PRR16: variants seen among roughly 807,000 people sequenced by gnomAD.
The protein encoded by PRR16 is protein Largen.
Under a neutral mutation model 18.2 loss-of-function variants are expected in PRR16, and 6 were observed. The ratio of observed to expected loss-of-function variants is 0.33; its 90% confidence interval spans 0.18 to 0.65. PRR16 has a LOEUF of 0.65. Among genes scored for constraint, PRR16 ranks in the 30% least tolerant of loss-of-function variants. PRR16 has a pLI of 0.74. For synonymous variants in PRR16, 151 were observed against 147.8 expected (o/e 1.02, Z -0.16); for missense variants, 412 against 376.6 (o/e 1.09, Z -0.78).
At chr5:120,511,045 G>A (rs1425502406) in intron 1 of PRR16, among the ~76,000 whole-genome samples, 1 of 152,062 alleles carries the variant, frequency 6.6e-6, no homozygotes, top group Non-Finnish European at 1.5e-5. Context: ...TGTCTCTTAG[G>A]GCTCCATACA....
chr5:120,480,983 T>C (rs1423589637), intron 1 of PRR16, among the ~76,000 whole-genome samples: 1 of 152,178 alleles, frequency 6.6e-6, no homozygotes, highest in Non-Finnish European at 1.5e-5. Flanking sequence ...CTTCATGTCT[T>C]CAGAAGTTTT....
In PRR16 at chr5:120,667,365, C is replaced by T. The variant is rs1411100865; in HGVS notation, c.160-18589C>T. 5.3e-5 allele frequency among the ~76,000 whole-genome samples: 8 copies of T among 151,998 alleles called. No homozygotes were observed. In the South Asian group the frequency reaches 1.7e-3, roughly 32 times the overall value. On this transcript the variant is annotated intron_variant, in intron 1 of 1. Coordinates refer to ENST00000407149, the MANE Select transcript of PRR16 (RefSeq NM_001300783.2). ...TCTCTTTTTTTCTTTATTAGTCTTGCTAGTGGTCTATCAATTTTGTTGATC... is the reference window on the plus strand; with the variant it reads ...TCTCTTTTTTTCTTTATTAGTCTTGTTAGTGGTCTATCAATTTTGTTGATC...
intron 1 of PRR16, among the ~76,000 whole-genome samples, chr5:120,627,997 T>A (rs1754923333): frequency 6.6e-6 from 1 of 152,158 alleles, no homozygotes; most frequent in Non-Finnish European, 1.5e-5. Flanking sequence ...TTCCTTTCTG[T>A]TGTCCTTACT....
At chr5:120,744,522 G>A in the PRR16 span, among the ~76,000 whole-genome samples, 1 of 152,130 alleles carries the variant, frequency 6.6e-6, no homozygotes, top group Admixed American at 6.5e-5. Context: ...AAAATAACTG[G>A]ACATTCTATT....
chr5:120,508,057 CAGA>C (rs2112852766), intron 1 of PRR16, among the ~76,000 whole-genome samples: 2 of 152,250 alleles, frequency 1.3e-5, no homozygotes, highest in South Asian at 4.1e-4. Context: ...GTGGTGCAGT[CAGA>C]CTGGTGGTGC....
chr5:120,749,579 A>C, the PRR16 span, among the ~76,000 whole-genome samples: 2 of 152,164 alleles, frequency 1.3e-5, no homozygotes, highest in Non-Finnish European at 2.9e-5. Context: ...CTGTCATGCT[A>C]TGTGCTATTC....
intron 1 of PRR16, among the ~76,000 whole-genome samples, chr5:120,637,315 C>A (rs1246020860): frequency 2.2e-4 from 4 of 18,178 alleles, no homozygotes; most frequent in Admixed American, 1.1e-3. Context: ...AGCCATTATA[C>A]GGAAAAAAAA....
At position 120,610,430 on chromosome 5, in the gene PRR16, A is replaced by G. The variant is rs190925951; in HGVS notation, c.160-75524A>G. On this transcript the variant is annotated intron_variant, in intron 1 of 1. Transcript: ENST00000407149. ...ACTTAAAGCTAAAATTAGTTTCAAT[A>G]CATACTGATATGGTTTGGCTATGTC... Among the ~76,000 whole-genome samples the G allele has an allele frequency of 2.4e-3, 343 of 142,196 alleles. 1 individual carries two copies. Among genetic ancestry groups the G allele is most frequent in the African/African-American group, 8.0e-3 (323 of 40,604 alleles). 93.3% of individuals were successfully genotyped at this position (142,196 alleles called of 152,430 possible).
At chr5:120,610,305 A>G (rs1754291905) in intron 1 of PRR16, among the ~76,000 whole-genome samples, 1 of 151,108 alleles carries the variant, frequency 6.6e-6, no homozygotes, top group Non-Finnish European at 1.5e-5. Flanking sequence ...TTCAGGCAAT[A>G]TTAATTTAAA....
At chr5:120,695,291 A>C in the PRR16 span, among the ~76,000 whole-genome samples, 1 of 152,122 alleles carries the variant, frequency 6.6e-6, no homozygotes, top group African/African-American at 2.4e-5. Flanking sequence ...TTTTTTTTCT[A>C]AGTGGACTTA....
intron 1 of PRR16, among the ~76,000 whole-genome samples, chr5:120,470,230 G>A (rs1749225479): frequency 6.6e-6 from 1 of 152,024 alleles, no homozygotes; most frequent in Admixed American, 6.6e-5. Context: ...AAATATACAT[G>A]ACTGACATCA....
At chr5:120,634,849 A>G (rs1157767501) in intron 1 of PRR16, among the ~76,000 whole-genome samples, 2 of 152,172 alleles carry the variant, frequency 1.3e-5, no homozygotes, top group South Asian at 4.1e-4. Flanking sequence ...TTGAAAAGAT[A>G]AAATTGGTAG....
the PRR16 span, among the ~76,000 whole-genome samples, chr5:120,769,061 A>C: frequency 6.7e-6 from 1 of 149,540 alleles, no homozygotes. Flanking sequence ...GTGTCCTCAA[A>C]TTAAGATACC....
intron 1 of PRR16, among the ~76,000 whole-genome samples, chr5:120,559,211 G>T (rs188834029): frequency 1.3e-5 from 2 of 151,934 alleles, no homozygotes; most frequent in Admixed American, 6.6e-5. Flanking sequence ...TATTACTCAA[G>T]AAATTTTTGC....
At chr5:120,473,385 C>A (rs1181235864) in intron 1 of PRR16, among the ~76,000 whole-genome samples, 1 of 152,090 alleles carries the variant, frequency 6.6e-6, no homozygotes, top group Non-Finnish European at 1.5e-5. Context: ...AGGGTGAGAG[C>A]ACAAACTCTG....
At chr5:120,787,015 GA>G in the PRR16 span, among the ~76,000 whole-genome samples, 2 of 152,084 alleles carry the variant, frequency 1.3e-5, no homozygotes, top group African/African-American at 4.8e-5. Context: ...ATTTCAAACA[GA>G]ATAGAGCAAT....
At chr5:120,568,520 C>T (rs1011288087) in intron 1 of PRR16, among the ~76,000 whole-genome samples, 1 of 152,062 alleles carries the variant, frequency 6.6e-6, no homozygotes, top group South Asian at 2.1e-4. Context: ...AAAATAAAAG[C>T]CCATCTCCTT....
At chr5:120,543,884 C>G (rs1051097435) in intron 1 of PRR16, among the ~76,000 whole-genome samples, 1 of 152,100 alleles carries the variant, frequency 6.6e-6, no homozygotes, top group African/African-American at 2.4e-5. Context: ...TCTCAGTTGC[C>G]TCATCTGTGA....
chr5:120,525,735 T>G lies in PRR16; in HGVS notation c.159+61090T>G, dbSNP rs1187078001. The stretch of plus-strand genomic sequence containing the variant: ...ATAAAATGGACACACATGAAACAGG[T>G]AAAGAACATGTCAGTGCTTAAAAGT... On this transcript the variant is annotated intron_variant, in intron 1 of 1. Transcript: ENST00000407149. Among the ~76,000 whole-genome samples, 3 of 151,928 alleles carry G rather than the reference T, an allele frequency of 2.0e-5. No individual in the cohort carries two copies. The East Asian group carries it at 5.8e-4, about 30-fold the overall frequency.
Sources: allele counts gnomAD v4.1 joint callset (sites outside exome capture counted in the v4.1 genomes callset), GRCh38; gene constraint gnomAD v4.1.1; transcripts MANE v1.5; gene names NCBI Gene and HGNC (gene_info 2026-07-23, HGNC 2026-07-21).